The following KDM2A variants were observed in gnomAD, a reference collection of about 807,000 sequenced individuals.
KDM2A encodes lysine-specific demethylase 2A.
Under a neutral mutation model 137.3 loss-of-function variants are expected in KDM2A, and 3 were observed. That is an observed-to-expected ratio of 0.02 (90% CI 0.01 to 0.06). KDM2A has a LOEUF of 0.06. Ranked by LOEUF, KDM2A falls within the 10% of genes least tolerant of loss-of-function variation. The pLI is 1.00. For missense variants in KDM2A, 738 were observed against 1,510.6 expected (o/e 0.49, Z 8.48); for synonymous variants, 512 against 541.5 (o/e 0.95, Z 0.76).
At chr11:67,236,035 T>C (rs1858862570) in intron 12 of KDM2A, among the ~76,000 whole-genome samples, 1 of 152,226 alleles carries the variant, frequency 6.6e-6, no homozygotes, top group African/African-American at 2.4e-5. Flanking sequence ...AAAAAGTGTA[T>C]GCGTATTTGT....
At chr11:67,223,734 A>G (rs564718741) in intron 10 of KDM2A, among the ~76,000 whole-genome samples, 7 of 152,114 alleles carry the variant, frequency 4.6e-5, no homozygotes, top group African/African-American at 1.7e-4. Context: ...AACTGTCATT[A>G]TTACTCAGCT....
intron 5 of KDM2A, among the ~76,000 whole-genome samples, chr11:67,186,638 CTT>C (rs913980502): frequency 3.9e-5 from 6 of 152,154 alleles, no homozygotes; most frequent in Non-Finnish European, 5.9e-5. Context: ...CTTTTAACTC[CTT>C]TTTGTTTTCT....
rs766082417 is a variant in KDM2A, at chr11:67,231,609, A to G, written c.1128A>G (p.Glu376=). Residue 376 remains glutamate (E), a synonymous_variant, in exon 12 of 21, where the codon GAA becomes GAG. Transcript: ENST00000529006. ...TGGAGTCTGGGAATGGGGATGAGGA[A>G]GCAGTGGATCGAGAACCCCGACGCT... The part of the protein sequence containing the change: ...NGLESGNGDE[E]AVDREPRRLS... 1.2e-6 allele frequency: 2 copies of G among 1,611,110 alleles called. No individual in the cohort carries two copies. The highest frequency in any genetic ancestry group is 2.7e-5 in the African/African-American group (2 of 74,890).
rs190707852 is a variant in KDM2A at position 67,226,504 on chromosome 11, C to A, written c.958-1533C>A. ...TTGGGAGGCCAAGGCGGGCAGATCA[C>A]GAGGTCAGGAGATCGAGACCATCCT... On this transcript the variant is annotated intron_variant, in intron 10 of 20. Transcript: ENST00000529006. Among the ~76,000 whole-genome samples the A allele has an allele frequency of 5.4e-3, 818 of 152,154 alleles. 4 individuals carry two copies. Among genetic ancestry groups the A allele is most frequent in the Middle Eastern group, 0.02 (6 of 294 alleles).
Position 67,245,016 on chromosome 11 carries a change from A to G in KDM2A, c.1564-173A>G, listed in dbSNP as rs945570920. On this transcript the variant is annotated intron_variant, in intron 13 of 20. Transcript: ENST00000529006. This position sits in a 1 kb window ranked among gnomAD's most constrained non-coding sequence, Gnocchi z 4.1. ...AAAAAAAAAAAAGCAGCCATTGATA[A>G]TACATACACAAGATGAGTTGTGTGT... is the stretch of plus-strand genomic sequence containing the variant. 7 of 683,270 alleles carry G rather than the reference A, an allele frequency of 1.0e-5. No individual in the cohort carries two copies. The East Asian group carries it at 1.3e-4, about 13-fold the overall frequency. The allele number at this position is 683,270 out of a possible 1,614,324, so 42.3% of individuals were successfully genotyped here.
intron 5 of KDM2A, among the ~76,000 whole-genome samples, chr11:67,183,389 G>A (rs1214626756): frequency 2.0e-5 from 3 of 152,228 alleles, no homozygotes; most frequent in African/African-American, 7.2e-5. Context: ...GTCCACAGAT[G>A]ACCTGCATCA....
At chr11:67,172,616 TTGTG>T (rs35333315) in intron 2 of KDM2A, among the ~76,000 whole-genome samples, 104,418 of 146,346 alleles carry the variant, frequency 0.71, 40,885 homozygotes, top group Non-Finnish European at 0.89. Context: ...GCTCTTATAG[TTGTG>T]TGTGTGTGTG....
intron 2 of KDM2A, among the ~76,000 whole-genome samples, chr11:67,147,577 C>T (rs1590722429): frequency 6.6e-6 from 1 of 151,014 alleles, no homozygotes; most frequent in Non-Finnish European, 1.5e-5. Context: ...CACTGGATTT[C>T]AAGAGCCAGT....
At chr11:67,191,805 T>TA (rs1407387987) in intron 5 of KDM2A, among the ~76,000 whole-genome samples, 1 of 152,198 alleles carries the variant, frequency 6.6e-6, no homozygotes, top group Non-Finnish European at 1.5e-5. Flanking sequence ...TTACTGCCTC[T>TA]ATTCAATGTA....
chr11:67,254,441 A>C lies in KDM2A; in HGVS notation c.3307+23A>C. The C allele has an allele frequency of 6.2e-7, 1 of 1,602,446 alleles. No individual in the cohort carries two copies. Among genetic ancestry groups the C allele is most frequent in the Non-Finnish European group, 8.5e-7 (1 of 1,170,154 alleles). On this transcript the variant is annotated intron_variant, in intron 20 of 20. Coordinates refer to ENST00000529006, the MANE Select transcript of KDM2A (RefSeq NM_012308.3). This position sits in a 1 kb window ranked among gnomAD's most constrained non-coding sequence, Gnocchi z 4.7. The stretch of plus-strand genomic sequence containing the variant: ...CAGGTATGCCGCTACAGTTGTTCAT[A>C]ATCAGCGGTGCCCCCTGCCTCCAGC...
chr11:67,223,619 A>C (rs747848265), intron 10 of KDM2A, among the ~76,000 whole-genome samples: 3 of 152,002 alleles, frequency 2.0e-5, no homozygotes, highest in Non-Finnish European at 4.4e-5. Flanking sequence ...TATGCTGCCC[A>C]GGCTCGTCTC....
At position 67,231,492 on chromosome 11, in the gene KDM2A, A is replaced by C. The variant is rs959850798; in HGVS notation, c.1085-74A>C. On this transcript the variant is annotated intron_variant, in intron 11 of 20. Transcript: ENST00000529006. ...CATTTATAGCCTCAAGGCCCCTATC[A>C]TGCCACCTATTTCTCTTGCTGATCA... The C allele has an allele frequency of 5.1e-6, 7 of 1,364,400 alleles. No individual in the cohort carries two copies. In the African/African-American group the frequency reaches 8.8e-5, roughly 17 times the overall value. 84.5% of individuals were successfully genotyped at this position (1,364,400 alleles called of 1,614,324 possible). A position where few individuals can be genotyped will look rare whatever the true frequency, so the allele number is the denominator to read the frequency against.
intron 2 of KDM2A, among the ~76,000 whole-genome samples, chr11:67,156,379 TC>T (rs1171071900): frequency 6.6e-6 from 1 of 151,334 alleles, no homozygotes; most frequent in Non-Finnish European, 1.5e-5. Context: ...GGTCAGGAGA[TC>T]AAGACCATCC....
chr11:67,239,519 G>A (rs1858963120), intron 12 of KDM2A, among the ~76,000 whole-genome samples: 1 of 152,164 alleles, frequency 6.6e-6, no homozygotes, highest in African/African-American at 2.4e-5. Context: ...GCAAGTCAGC[G>A]AGGGCAGGTG....
At chr11:67,134,646 A>G (rs1855931706) in intron 2 of KDM2A, among the ~76,000 whole-genome samples, 1 of 151,976 alleles carries the variant, frequency 6.6e-6, no homozygotes. Flanking sequence ...CTGGGATTAC[A>G]GGTATGCGTC....
chr11:67,180,299 C>G (rs1012517846), intron 3 of KDM2A, 82 bp downstream of exon 3: 1 of 1,414,898 alleles, frequency 7.1e-7, no homozygotes, highest in Non-Finnish European at 9.6e-7. Context: ...TAGCCTTTAT[C>G]CAGCTAAAAT....
At chr11:67,187,510 A>G (rs902081035) in intron 5 of KDM2A, among the ~76,000 whole-genome samples, 7 of 152,122 alleles carry the variant, frequency 4.6e-5, no homozygotes, top group African/African-American at 1.7e-4. Context: ...CTATACTTAT[A>G]TCAGATAAAA....
intron 2 of KDM2A, among the ~76,000 whole-genome samples, chr11:67,145,537 T>TGGTA (rs1320778134): frequency 1.3e-5 from 2 of 151,328 alleles, no homozygotes; most frequent in Non-Finnish European, 2.9e-5. Flanking sequence ...AGGGGGAATA[T>TGGTA]GGTAGCACCC....
At chr11:67,238,321 C>T (rs939499222) in intron 12 of KDM2A, among the ~76,000 whole-genome samples, 5 of 152,094 alleles carry the variant, frequency 3.3e-5, no homozygotes, top group Non-Finnish European at 7.4e-5. Context: ...CTTGAACTTA[C>T]GTTTGTTTTA....
Sources: gnomAD v4.1 joint callset for allele counts (sites outside exome capture counted in the v4.1 genomes callset) on GRCh38, gnomAD v4.1.1 for gene constraint, Gnocchi (gnomAD v3.1) non-coding constraint, MANE v1.5 for transcripts, NCBI Gene and HGNC (gene_info 2026-07-23, HGNC 2026-07-21) for gene names.